Variants in ALPK1 observed in about 807,000 individuals in gnomAD.
ALPK1 encodes alpha kinase 1, also known as alpha-protein kinase 1.
ALPK1 carries 110 observed loss-of-function variants against 120.6 expected under a neutral mutation model. That is an observed-to-expected ratio of 0.91 (90% confidence interval 0.78 to 1.07). The LOEUF (loss-of-function observed/expected upper bound fraction) is 1.07. Among genes scored for constraint, ALPK1 ranks in the 50% least tolerant of loss-of-function variants. The pLI, the probability that ALPK1 is intolerant of heterozygous loss-of-function variation, is 0.00. For missense variants in ALPK1, 1,498 were observed against 1,483.9 expected, an observed-to-expected ratio of 1.01 and a Z score of -0.16; for synonymous variants, 582 against 560.3, an observed-to-expected ratio of 1.04 and a Z score of -0.55.
intron 2 of ALPK1, among the ~76,000 whole-genome samples, chr4:112,355,582 G>T (rs942030893): frequency 4.6e-5 from 7 of 152,230 alleles, no homozygotes; most frequent in Admixed American, 6.5e-5. Context: ...GCCTAGGGAG[G>T]TGGCAATGGA....
chr4:112,401,340 G>A (rs1300390281), intron 4 of ALPK1, among the ~76,000 whole-genome samples: 1 of 152,142 alleles, frequency 6.6e-6, no homozygotes, highest in Non-Finnish European at 1.5e-5. Context: ...GAATTGTATG[G>A]GTGTCCCAGA....
intron 4 of ALPK1, among the ~76,000 whole-genome samples, chr4:112,403,346 A>C (rs1334057915): frequency 6.6e-6 from 1 of 152,240 alleles, no homozygotes; most frequent in Admixed American, 6.5e-5. Context: ...GAAACACGAC[A>C]GAGCGGCTGC....
chr4:112,329,838 G>C (rs2148700022), intron 2 of ALPK1, among the ~76,000 whole-genome samples: 1 of 152,326 alleles, frequency 6.6e-6, no homozygotes, highest in South Asian at 2.1e-4. Flanking sequence ...GTATAGGCCT[G>C]TCATGTCTGT....
At chr4:112,336,337 A>T (rs1560642291) in intron 2 of ALPK1, among the ~76,000 whole-genome samples, 1 of 152,336 alleles carries the variant, frequency 6.6e-6, no homozygotes, top group East Asian at 1.9e-4. Context: ...ATTCAGACAG[A>T]TGTCACTTAG....
At chr4:112,388,202 T>C (rs72666253) in intron 4 of ALPK1, among the ~76,000 whole-genome samples, 5,696 of 152,334 alleles carry the variant, frequency 0.037, 157 homozygotes, top group South Asian at 0.088. Context: ...TTTTTGTTTT[T>C]ATACTACTTA....
intron 12 of ALPK1, among the ~76,000 whole-genome samples, chr4:112,436,034 AT>A: frequency 6.6e-6 from 1 of 152,356 alleles, no homozygotes; most frequent in East Asian, 1.9e-4. Context: ...TTAAGACATA[AT>A]TTTTTATCAT....
rs945106191 is a variant in ALPK1 at position 112,359,470 on chromosome 4, T to G, written c.-100-18208T>G. The G allele has an allele frequency of 1.1e-5, 3 of 276,890 alleles. No individual in the cohort carries two copies. In the East Asian group the frequency reaches 2.5e-4, roughly 23 times the overall value. The allele number at this position is 276,890 out of a possible 1,614,324, so 17.2% of individuals were successfully genotyped here. A position where few individuals can be genotyped will look rare whatever the true frequency, so the allele number is the denominator to read the frequency against. ...GTGCATCCATACCACAAGCAGCACT[T>G]CTTGCCGACATGCACAGACCTGGCC... On this transcript the variant is annotated intron_variant, in intron 2 of 15. Coordinates refer to ENST00000650871, the MANE Select transcript of ALPK1 (RefSeq NM_025144.4).
intron 2 of ALPK1, chr4:112,359,587 A>G: frequency 4.0e-6 from 1 of 248,644 alleles, no homozygotes; most frequent in Admixed American, 4.7e-5. Flanking sequence ...TCCCAACCAG[A>G]CCGCTCATGG....
chr4:112,427,808 G>T, intron 9 of ALPK1, 143 bp downstream of exon 9: 1 of 646,488 alleles, frequency 1.5e-6, no homozygotes. Context: ...GGAATCCTGG[G>T]GAGGAGTCTT....
intron 2 of ALPK1, among the ~76,000 whole-genome samples, chr4:112,364,072 G>A (rs1731030645): frequency 1.3e-5 from 2 of 152,106 alleles, no homozygotes; most frequent in African/African-American, 4.8e-5. Context: ...GTGCTAAGAG[G>A]AAAGTTCATA....
chr4:112,369,221 C>A (rs1000361106), intron 2 of ALPK1, among the ~76,000 whole-genome samples: 2 of 152,106 alleles, frequency 1.3e-5, no homozygotes, highest in African/African-American at 2.4e-5. Context: ...CCTTTTAATG[C>A]AGTTTTAAAA....
intron 2 of ALPK1, among the ~76,000 whole-genome samples, chr4:112,325,576 C>T (rs1729077961): frequency 6.6e-6 from 1 of 152,190 alleles, no homozygotes; most frequent in Non-Finnish European, 1.5e-5. Flanking sequence ...TACTCCTTCT[C>T]CGGACCACTG....
chr4:112,375,991 T>G (rs1286309796), intron 2 of ALPK1, among the ~76,000 whole-genome samples: 1 of 152,140 alleles, frequency 6.6e-6, no homozygotes, highest in East Asian at 1.9e-4. Flanking sequence ...GAGGAAAAGA[T>G]AGTAAGAAAT....
At chr4:112,410,919 A>T (rs1016181287) in intron 4 of ALPK1, 3 of 154,836 alleles carry the variant, frequency 1.9e-5, no homozygotes, top group Non-Finnish European at 4.4e-5. Flanking sequence ...GTAGGCAATA[A>T]ATGAAGCAGA....
chr4:112,305,343 T>C (rs1727993029), intron 1 of ALPK1, among the ~76,000 whole-genome samples: 1 of 151,988 alleles, frequency 6.6e-6, no homozygotes, highest in African/African-American at 2.4e-5. Flanking sequence ...CCTTGGGCAG[T>C]ATGGCCATTT....
At chr4:112,419,967 C>G (rs1315322220) in intron 5 of ALPK1, among the ~76,000 whole-genome samples, 1 of 152,200 alleles carries the variant, frequency 6.6e-6, no homozygotes, top group East Asian at 1.9e-4. Flanking sequence ...ATTATTATTA[C>G]TATTATTACC....
chr4:112,442,558 C>T lies in ALPK1; in HGVS notation c.*1348C>T, dbSNP rs1220763649. The T allele has an allele frequency of 6.6e-6, 1 of 151,494 alleles. No individual in the cohort carries two copies. The highest frequency in any genetic ancestry group is 1.5e-5 in the Non-Finnish European group (1 of 67,918). 9.4% of individuals were successfully genotyped at this position (151,494 alleles called of 1,614,324 possible). A position where few individuals can be genotyped will look rare whatever the true frequency, so the allele number is the denominator to read the frequency against. On this transcript the variant is annotated 3_prime_UTR_variant, in exon 16 of 16. Transcript: ENST00000650871. ...GTGATGAAGTAATTCGCACAACAAACCCCCATGACACAAACCTGCACATGT... is the reference window on the plus strand; with the variant it reads ...GTGATGAAGTAATTCGCACAACAAATCCCCATGACACAAACCTGCACATGT...
rs575744196 is a variant in ALPK1 at position 112,385,579 on chromosome 4, G to C, written c.276+3027G>C. ...GTTCTCCTATTGTGCCAGACCCCAA[G>C]TGCACAATTGCTAAACCACTCTGTT... On this transcript the variant is annotated intron_variant, in intron 4 of 15. Coordinates refer to ENST00000650871, the MANE Select transcript of ALPK1 (RefSeq NM_025144.4). Among the ~76,000 whole-genome samples, 30 of 152,232 alleles carry C rather than the reference G, an allele frequency of 2.0e-4. No homozygotes were observed. In the South Asian group the frequency reaches 6.2e-3, roughly 32 times the overall value.
intron 1 of ALPK1, among the ~76,000 whole-genome samples, chr4:112,314,844 A>G (rs1476885693): frequency 1.3e-5 from 2 of 151,602 alleles, no homozygotes; most frequent in Non-Finnish European, 2.9e-5. Context: ...AGAGTTGAAA[A>G]ATGTAAATTA....
Sources: gnomAD v4.1 joint callset for allele counts (sites outside exome capture counted in the v4.1 genomes callset) on GRCh38, gnomAD v4.1.1 for gene constraint, MANE v1.5 for transcripts, NCBI Gene and HGNC (gene_info 2026-07-23, HGNC 2026-07-21) for gene names.